Variants in TRIM24 observed in about 807,000 individuals in gnomAD.
TRIM24 encodes transcription intermediary factor 1-alpha.
Under a neutral mutation model 123.9 loss-of-function variants are expected in TRIM24, and 29 were observed. The ratio of observed to expected loss-of-function variants is 0.23; its 90% CI spans 0.17 to 0.32. The LOEUF is 0.32. Among genes scored for constraint, TRIM24 ranks in the 10% least tolerant of loss-of-function variants. The pLI is 1.00. For missense variants in TRIM24, 932 were observed against 1,295.3 expected (o/e 0.72, Z 4.31); for synonymous variants, 456 against 461.1 (o/e 0.99, Z 0.14).
Position 138,519,334 on chromosome 7 carries a change from T to A in TRIM24, c.764+13T>A. The A allele has an allele frequency of 6.3e-7, 1 of 1,593,486 alleles. No homozygotes were observed. Among genetic ancestry groups the A allele is most frequent in the Non-Finnish European group, 8.5e-7 (1 of 1,171,448 alleles). On this transcript the variant is annotated intron_variant, in intron 4 of 18. Transcript: ENST00000343526. The stretch of plus-strand genomic sequence containing the variant: ...ATAAAGAGCATAGGTACCAGCATCT[T>A]TGGTTATATATATAGATTCATATGC...
At chr7:138,540,693 T>TC (rs1202890145) in intron 7 of TRIM24, among the ~76,000 whole-genome samples, 2 of 152,242 alleles carry the variant, frequency 1.3e-5, no homozygotes, top group Non-Finnish European at 2.9e-5. Flanking sequence ...TTATTGTTGA[T>TC]ATTTTTGTCT....
chr7:138,508,662 AGTGTGT>A (rs781643258), intron 2 of TRIM24, among the ~76,000 whole-genome samples: 7 of 112,824 alleles, frequency 6.2e-5, no homozygotes, highest in African/African-American at 1.8e-4. Flanking sequence ...TAATAAGAGG[AGTGTGT>A]GTGTGTGTGT....
rs10268912 is a variant in TRIM24, at chr7:138,525,112, G to T, written c.765-129G>T. The T allele has an allele frequency of 9.4e-3, 4,134 of 441,300 alleles. 121 individuals are homozygous for T. The highest frequency in any genetic ancestry group is 0.072 in the African/African-American group (3,464 of 48,230). 27.3% of individuals were successfully genotyped at this position (441,300 alleles called of 1,614,324 possible). A position where few individuals can be genotyped will look rare whatever the true frequency, so the allele number is the denominator to read the frequency against. Reference sequence around the variant, plus strand: ...GGGAAACTTGCCTTATTAGGGATACGTTTGATGTTTTAAAAGATTATTATA... The same window carrying T: ...GGGAAACTTGCCTTATTAGGGATACTTTTGATGTTTTAAAAGATTATTATA... On this transcript the variant is annotated intron_variant, in intron 4 of 18. Coordinates refer to ENST00000343526, the MANE Select transcript of TRIM24 (RefSeq NM_015905.3).
chr7:138,502,404 A>G (rs1414950127), intron 1 of TRIM24, among the ~76,000 whole-genome samples: 4 of 152,248 alleles, frequency 2.6e-5, no homozygotes, highest in African/African-American at 9.6e-5. Flanking sequence ...GATGATTATC[A>G]TGTATTACTC....
chr7:138,576,644 G>A (rs1206376665), intron 13 of TRIM24, among the ~76,000 whole-genome samples, 199 bp downstream of exon 13: 1 of 151,966 alleles, frequency 6.6e-6, no homozygotes, highest in Non-Finnish European at 1.5e-5. Context: ...GAAGATAGAA[G>A]AATATTTGTC....
Position 138,460,781 on chromosome 7 carries a change from G to T in TRIM24, c.233G>T (p.Cys78Phe). The T allele has an allele frequency of 6.3e-7, 1 of 1,584,438 alleles. No individual in the cohort carries two copies. Residue 78 changes from cysteine to phenylalanine, a missense_variant, in exon 1 of 19, where the codon TGC becomes TTC. Transcript: ENST00000343526. Reference protein sequence around the residue: ...PKLLPCLHSFCQRCLPAPQRY... With the variant: ...PKLLPCLHSFFQRCLPAPQRY... ...CTGCTGCCCTGCCTGCACTCTTTCT[G>T]CCAGCGCTGCCTGCCCGCGCCCCAG...
chr7:138,485,972 C>T (rs1368447441), intron 1 of TRIM24, among the ~76,000 whole-genome samples: 2 of 152,184 alleles, frequency 1.3e-5, no homozygotes, highest in African/African-American at 2.4e-5. Context: ...TAAAAGTGTT[C>T]CTATTTCTCC....
At chr7:138,526,894 A>G (rs1335468117) in intron 5 of TRIM24, among the ~76,000 whole-genome samples, 12 of 152,200 alleles carry the variant, frequency 7.9e-5, no homozygotes, top group Admixed American at 7.9e-4. Context: ...AGAGATAATT[A>G]TAGGCATTTC....
chr7:138,530,546 AG>A (rs948441261), intron 6 of TRIM24, among the ~76,000 whole-genome samples: 13 of 151,994 alleles, frequency 8.6e-5, no homozygotes, highest in African/African-American at 2.7e-4. Flanking sequence ...GGCTCACTAC[AG>A]CCTCCACCTC....
At chr7:138,468,938 G>T (rs1795210616) in intron 1 of TRIM24, among the ~76,000 whole-genome samples, 1 of 152,186 alleles carries the variant, frequency 6.6e-6, no homozygotes, top group South Asian at 2.1e-4. Context: ...CATGAACCAT[G>T]ATCACAAAAT....
chr7:138,577,331 C>T, intron 13 of TRIM24, 89 bp from the exon 14 acceptor site: 2 of 1,035,336 alleles, frequency 1.9e-6, no homozygotes, highest in Non-Finnish European at 2.7e-6. Flanking sequence ...TGTGAAGATA[C>T]AGTATTTTAG....
In TRIM24 at chr7:138,515,400, C is replaced by T. The variant is rs546490645; in HGVS notation, c.631+41C>T. The T allele has an allele frequency of 9.4e-6, 15 of 1,599,210 alleles. No homozygotes were observed. In the East Asian group the frequency reaches 3.1e-4, roughly 33 times the overall value. On this transcript the variant is annotated intron_variant, in intron 3 of 18. Transcript: ENST00000343526. ...TTTGCATTTTTTTCCTTCTATCTTTCCCCGTCTTTTCTTCCTTCCTGTATT... is the reference window on the plus strand; with the variant it reads ...TTTGCATTTTTTTCCTTCTATCTTTTCCCGTCTTTTCTTCCTTCCTGTATT...
chr7:138,478,401 G>A (rs1795450785), intron 1 of TRIM24, among the ~76,000 whole-genome samples: 1 of 82,832 alleles, frequency 1.2e-5, no homozygotes, highest in South Asian at 4.0e-4. Flanking sequence ...CAGCACTCTG[G>A]AAGGCTGAGG....
At chr7:138,486,467 T>C (rs1390073612) in intron 1 of TRIM24, among the ~76,000 whole-genome samples, 1 of 152,204 alleles carries the variant, frequency 6.6e-6, no homozygotes, top group East Asian at 1.9e-4. Flanking sequence ...TTTATGGTTT[T>C]AGGTCTAACA....
intron 7 of TRIM24, among the ~76,000 whole-genome samples, chr7:138,550,099 TAG>T (rs1357932501): frequency 6.6e-6 from 1 of 152,154 alleles, no homozygotes; most frequent in Non-Finnish European, 1.5e-5. Flanking sequence ...GTGAATGGAC[TAG>T]AGAAATGTCA....
intron 6 of TRIM24, among the ~76,000 whole-genome samples, chr7:138,531,787 C>T (rs1412946126): frequency 2.6e-5 from 4 of 152,182 alleles, no homozygotes; most frequent in East Asian, 3.9e-4. Context: ...CTTGAGGAAT[C>T]GCCACGCTGT....
At chr7:138,519,440 C>A in intron 4 of TRIM24, 119 bp downstream of exon 4, 1 of 1,120,492 alleles carries the variant, frequency 8.9e-7, no homozygotes, top group Non-Finnish European at 1.3e-6. Context: ...CAGCACTATG[C>A]TGGCCTGTAC....
intron 2 of TRIM24, 36 bp downstream of exon 2, chr7:138,504,444 GCTCTTT>G (rs769634160): frequency 0.024 from 14,845 of 621,624 alleles, 572 homozygotes; most frequent in East Asian, 0.052. Context: ...TTGCCTGCCA[GCTCTTT>G]TTTTTTTTTT....
intron 2 of TRIM24, among the ~76,000 whole-genome samples, chr7:138,509,137 C>T (rs1011497260): frequency 2.6e-5 from 4 of 151,320 alleles, no homozygotes; most frequent in Admixed American, 2.0e-4. Flanking sequence ...TTTAGCAGAG[C>T]GGGGTTTCTC....
Sources: allele counts gnomAD v4.1 joint callset (sites outside exome capture counted in the v4.1 genomes callset), GRCh38; gene constraint gnomAD v4.1.1; transcripts MANE v1.5; gene names NCBI Gene and HGNC (gene_info 2026-07-23, HGNC 2026-07-21).